C5orf63: variants seen among roughly 807,000 people sequenced by gnomAD.
The protein encoded by C5orf63 is glutaredoxin-like protein C5orf63.
In C5orf63, 18 loss-of-function variants were observed where a neutral mutation model predicts 13.3. The observed-to-expected ratio is 1.36, with a 90% CI of 0.94 to 2.01. The LOEUF is 2.01. Ranked by LOEUF, C5orf63 falls within the 30% of genes most tolerant of loss-of-function variation. C5orf63 has a pLI of 0.00. For synonymous variants in C5orf63, 38 were observed against 44.7 expected (o/e 0.85, Z 0.60); for missense variants, 118 against 127.7 (o/e 0.92, Z 0.36).
At chr5:127,047,422 C>A (rs1753542935), downstream of C5orf63, 3 of 362,726 alleles carry the variant, frequency 8.3e-6, no homozygotes, top group Non-Finnish European at 9.9e-6. Flanking sequence ...CTTTTAGATG[C>A]CATGTTTGTA....
downstream of C5orf63, chr5:127,044,982 C>G (rs1280949869): frequency 6.6e-6 from 1 of 152,098 alleles, no homozygotes; most frequent in African/African-American, 2.4e-5. Context: ...AATCAATTAC[C>G]TCTGGTCTTT....
downstream of C5orf63, chr5:127,047,145 C>G (rs1753537050): frequency 6.5e-6 from 1 of 152,910 alleles, no homozygotes; most frequent in Non-Finnish European, 1.5e-5. Flanking sequence ...AGGCACTATT[C>G]TAGAGCAGCA....
At position 127,063,384 on chromosome 5, in the gene C5orf63, C is replaced by A. The variant is rs558382081; in HGVS notation, c.-7-4382G>T. 5.9e-5 allele frequency among the ~76,000 whole-genome samples: 9 copies of A among 151,750 alleles called. No homozygotes were observed. The South Asian group carries it at 1.1e-3, about 18-fold the overall frequency. ...AGTCTTTATTAAAGATTATTCATTT[C>A]TTGCATGAGGAGCTGCCCAGGCTAT... On this transcript the variant is annotated intron_variant, in intron 2 of 4. Transcript: ENST00000296662.
chr5:127,048,255 AC>A (rs1379952366), downstream of C5orf63, among the ~76,000 whole-genome samples: 1 of 138,856 alleles, frequency 7.2e-6, no homozygotes, highest in Non-Finnish European at 1.5e-5. Context: ...GGACACACAC[AC>A]ACACACACAC....
chr5:127,055,840 T>C (rs1045288214), intron 3 of C5orf63, among the ~76,000 whole-genome samples: 7 of 152,220 alleles, frequency 4.6e-5, no homozygotes, highest in African/African-American at 1.7e-4. Flanking sequence ...TGTTTTGTTT[T>C]GTTTTTTAGA....
chr5:127,066,356 T>G (rs1229902172), intron 2 of C5orf63, among the ~76,000 whole-genome samples: 1 of 152,092 alleles, frequency 6.6e-6, no homozygotes, highest in Non-Finnish European at 1.5e-5. Flanking sequence ...AAGAACAGAT[T>G]GTTGGGGGGC....
chr5:127,065,428 T>C (rs898377349), intron 2 of C5orf63, among the ~76,000 whole-genome samples: 1 of 152,178 alleles, frequency 6.6e-6, no homozygotes, highest in African/African-American at 2.4e-5. Flanking sequence ...AAGAGAAATA[T>C]CTTAAATCAT....
At chr5:127,064,527 T>G (rs746061125) in intron 2 of C5orf63, among the ~76,000 whole-genome samples, 2 of 152,180 alleles carry the variant, frequency 1.3e-5, no homozygotes, top group Non-Finnish European at 2.9e-5. Context: ...GCAGATTTGC[T>G]TCCACACAAC....
intron 2 of C5orf63, among the ~76,000 whole-genome samples, chr5:127,064,366 T>C (rs951031661): frequency 6.6e-6 from 1 of 152,130 alleles, no homozygotes; most frequent in African/African-American, 2.4e-5. Flanking sequence ...TTTTCTAGTG[T>C]CTCAGCCTTA....
downstream of C5orf63, chr5:127,045,115 A>C (rs1753494509): frequency 6.6e-6 from 1 of 152,158 alleles, no homozygotes; most frequent in Admixed American, 6.5e-5. Context: ...ATTTTCTTTT[A>C]GTTTACCTCT....
At chr5:127,054,382 T>A (rs923979189) in intron 3 of C5orf63, among the ~76,000 whole-genome samples, 3 of 152,182 alleles carry the variant, frequency 2.0e-5, no homozygotes, top group Admixed American at 2.0e-4. Context: ...TTTCTCCACA[T>A]CCTCTCCAGC....
downstream of C5orf63, chr5:127,047,392 C>G (rs1014968306): frequency 6.6e-6 from 2 of 300,928 alleles, no homozygotes; most frequent in Non-Finnish European, 1.2e-5. Context: ...TGATACTTGA[C>G]AGTGGGATAA....
intron 1 of C5orf63, chr5:127,071,903 CCT>C (rs1754559012): frequency 6.6e-6 from 1 of 152,146 alleles, no homozygotes; most frequent in South Asian, 2.1e-4. Context: ...TCTCATAGTG[CCT>C]CTGAGTACTT....
At chr5:127,065,411 G>T (rs1214232910) in intron 2 of C5orf63, among the ~76,000 whole-genome samples, 1 of 152,194 alleles carries the variant, frequency 6.6e-6, no homozygotes, top group Non-Finnish European at 1.5e-5. Flanking sequence ...ATTGGAGGTG[G>T]CTTCACAAGA....
rs1046289829 is a variant in C5orf63 at position 127,054,421 on chromosome 5, C to T, written c.115-1752G>A. ...TGTTGTTTCCTGCCTTTTTAATGATCGCCATTCTAACTGGTGTGAGATGGT... is the reference window on the plus strand; with the variant it reads ...TGTTGTTTCCTGCCTTTTTAATGATTGCCATTCTAACTGGTGTGAGATGGT... On this transcript the variant is annotated intron_variant, in intron 3 of 4. Transcript: ENST00000296662. Among the ~76,000 whole-genome samples the T allele has an allele frequency of 6.6e-5, 10 of 152,192 alleles. No individual in the cohort carries two copies. The South Asian group carries it at 8.3e-4, about 13-fold the overall frequency.
intron 2 of C5orf63, among the ~76,000 whole-genome samples, chr5:127,064,876 G>A (rs1304072217): frequency 1.3e-5 from 2 of 152,162 alleles, no homozygotes; most frequent in Non-Finnish European, 2.9e-5. Context: ...TTTGAAGTGT[G>A]GGCCTTGCCT....
intron 3 of C5orf63, among the ~76,000 whole-genome samples, chr5:127,053,239 T>C (rs1012234374): frequency 3.3e-5 from 5 of 152,204 alleles, no homozygotes; most frequent in African/African-American, 1.2e-4. Flanking sequence ...GTGTCAACAA[T>C]AGGTTTCCTG....
At chr5:127,067,367 C>T (rs1754368815) in intron 2 of C5orf63, among the ~76,000 whole-genome samples, 1 of 151,564 alleles carries the variant, frequency 6.6e-6, no homozygotes, top group South Asian at 2.1e-4. Context: ...ACATTTAAAT[C>T]TCTATTAACA....
At chr5:127,068,143 A>G (rs531532441) in intron 2 of C5orf63, among the ~76,000 whole-genome samples, 3 of 152,248 alleles carry the variant, frequency 2.0e-5, no homozygotes, top group African/African-American at 7.2e-5. Flanking sequence ...CCATTCTCTC[A>G]TTTTAGAAAC....
Sources: gnomAD v4.1 joint callset for allele counts (sites outside exome capture counted in the v4.1 genomes callset) on GRCh38, gnomAD v4.1.1 for gene constraint, MANE v1.5 for transcripts, NCBI Gene and HGNC (gene_info 2026-07-23, HGNC 2026-07-21) for gene names.